PLA2G2C: variants seen among roughly 807,000 people sequenced by gnomAD.
PLA2G2C encodes putative inactive group IIC secretory phospholipase A2.
In PLA2G2C, 15 loss-of-function variants were observed where a neutral mutation model predicts 14.3. The ratio of observed to expected loss-of-function variants is 1.05; its 90% CI spans 0.70 to 1.62. The LOEUF (loss-of-function observed/expected upper bound fraction) is 1.62. Among genes scored for constraint, PLA2G2C ranks in the 40% most tolerant of loss-of-function variants. The probability of loss-of-function intolerance (pLI) is 0.00; values close to 1 mark genes in which losing one functional copy is unlikely to be tolerated. For synonymous variants in PLA2G2C, 79 were observed against 67.7 expected (o/e 1.17, Z -0.82); for missense variants, 162 against 173.2 (o/e 0.94, Z 0.36).
At chr1:20,184,180 C>CGCGT (rs2018322575) in intron 1 of PLA2G2C, 1 of 135,082 alleles carries the variant, frequency 7.4e-6, no homozygotes, top group Non-Finnish European at 1.5e-5. Flanking sequence ...GGCAAAGGCG[C>CGCGT]GCGTGCGTGC....
At chr1:20,180,551 G>A (rs1299600048) in intron 1 of PLA2G2C, among the ~76,000 whole-genome samples, 1 of 152,166 alleles carries the variant, frequency 6.6e-6, no homozygotes, top group Admixed American at 6.5e-5. Flanking sequence ...CTTAAACTCT[G>A]GTCCCTTTCT....
chr1:20,173,743 C>G (rs2018131455), intron 3 of PLA2G2C, among the ~76,000 whole-genome samples: 1 of 152,206 alleles, frequency 6.6e-6, no homozygotes, highest in African/African-American at 2.4e-5. Flanking sequence ...GACAGGAAGG[C>G]AGAAACTTAA....
In PLA2G2C at chr1:20,165,832, C is replaced by T. The variant is rs191491949; in HGVS notation, c.284-1675G>A. Among the ~76,000 whole-genome samples, 305 of 152,096 alleles carry T rather than the reference C, an allele frequency of 2.0e-3. 1 individual carries two copies. The highest frequency in any genetic ancestry group is 6.5e-3 in the African/African-American group (268 of 41,518). On this transcript the variant is annotated intron_variant, in intron 4 of 4. Coordinates refer to ENST00000679259, the MANE Select transcript of PLA2G2C (RefSeq NM_001367969.2). ...GTGCGTGTGTGTGTGTGTGCGCGCG[C>T]GCATGTGTGTTTAGGGCTCTCAGGT... is the stretch of plus-strand genomic sequence containing the variant.
At chr1:20,181,568 CA>C (rs766146393) in intron 1 of PLA2G2C, among the ~76,000 whole-genome samples, 8 of 151,946 alleles carry the variant, frequency 5.3e-5, no homozygotes, top group Non-Finnish European at 1.0e-4. Flanking sequence ...ACCGAGAAGG[CA>C]AAACCCAAAA....
At chr1:20,175,654 T>C (rs574033301) in intron 2 of PLA2G2C, among the ~76,000 whole-genome samples, 1 of 152,338 alleles carries the variant, frequency 6.6e-6, no homozygotes, top group East Asian at 1.9e-4. Context: ...AAGATGCTTA[T>C]GAGAGTGGGC....
intron 4 of PLA2G2C, among the ~76,000 whole-genome samples, chr1:20,171,588 A>T (rs2315355): frequency 0.019 from 2,854 of 151,794 alleles, 96 homozygotes; most frequent in African/African-American, 0.065. Flanking sequence ...ATCTCCCGCC[A>T]TAGGGGATGA....
chr1:20,180,525 A>G (rs1431215179), intron 1 of PLA2G2C, among the ~76,000 whole-genome samples: 1 of 152,220 alleles, frequency 6.6e-6, no homozygotes, highest in Non-Finnish European at 1.5e-5. Context: ...CCACACAGCT[A>G]TGAAGTGGGC....
At chr1:20,173,100 G>A (rs1187788784) in intron 3 of PLA2G2C, among the ~76,000 whole-genome samples, 1 of 151,712 alleles carries the variant, frequency 6.6e-6, no homozygotes, top group African/African-American at 2.4e-5. Context: ...CTTCAGTCCA[G>A]GAGTTTGAGA....
chr1:20,179,521 CTGTGTG>C (rs35039220), intron 1 of PLA2G2C, among the ~76,000 whole-genome samples: 26 of 136,428 alleles, frequency 1.9e-4, no homozygotes, highest in Non-Finnish European at 2.7e-4. Flanking sequence ...ATGTCAGTTT[CTGTGTG>C]TGTGTGTGTG....
At chr1:20,172,989 GAAGGTGAGGAGGTGAATTATCAATA>G in intron 3 of PLA2G2C, 92 bp from the exon 4 acceptor site, 1 of 857,462 alleles carries the variant, frequency 1.2e-6, no homozygotes, top group Non-Finnish European at 1.9e-6. Flanking sequence ...AGAAGGCATT[GAAGGTGAGGAGGTGAATTATCAATA>G]ATATTAAACA....
chr1:20,172,691 T>A, intron 4 of PLA2G2C, 103 bp downstream of exon 4: 1 of 1,021,542 alleles, frequency 9.8e-7, no homozygotes. Flanking sequence ...TCCAAGCACT[T>A]GGAAGCATTT....
chr1:20,167,731 G>A (rs1569924743), intron 4 of PLA2G2C, among the ~76,000 whole-genome samples: 1 of 152,186 alleles, frequency 6.6e-6, no homozygotes, highest in Non-Finnish European at 1.5e-5. Context: ...GAAGGCACGT[G>A]TCTCATCCTG....
rs114273210 is a variant in PLA2G2C at position 20,180,359 on chromosome 1, G to A, written c.-76-2920C>T. 5.6e-3 allele frequency among the ~76,000 whole-genome samples: 855 copies of A among 152,310 alleles called. 8 individuals carry two copies. The highest frequency in any genetic ancestry group is 0.02 in the African/African-American group (821 of 41,552). ...TGGGAAGGTCACAGAAATCTTCCCA[G>A]GAGAGGTGGTATTTGAGAAGGCCTT... On this transcript the variant is annotated intron_variant, in intron 1 of 4. Transcript: ENST00000679259.
chr1:20,182,114 G>C (rs2018286918), intron 1 of PLA2G2C, among the ~76,000 whole-genome samples: 1 of 152,168 alleles, frequency 6.6e-6, no homozygotes, highest in African/African-American at 2.4e-5. Context: ...TGCTTAACAA[G>C]ACTGGAAAGC....
At chr1:20,171,740 T>C (rs2018077687) in intron 4 of PLA2G2C, among the ~76,000 whole-genome samples, 1 of 150,510 alleles carries the variant, frequency 6.6e-6, no homozygotes, top group Non-Finnish European at 1.5e-5. Context: ...AGCCACACAC[T>C]ATAAGAAGCC....
intron 4 of PLA2G2C, among the ~76,000 whole-genome samples, chr1:20,172,254 C>T (rs72663010): frequency 3.3e-5 from 5 of 152,264 alleles, no homozygotes; most frequent in African/African-American, 4.8e-5. Context: ...CTCCGGATGC[C>T]AGGGCCACGC....
chr1:20,168,460 C>G (rs2100713668), intron 4 of PLA2G2C, among the ~76,000 whole-genome samples: 1 of 152,282 alleles, frequency 6.6e-6, no homozygotes, highest in South Asian at 2.1e-4. Context: ...TCTCACGGAC[C>G]TTTCTAGTCG....
chr1:20,180,879 A>G (rs574639601), intron 1 of PLA2G2C, among the ~76,000 whole-genome samples: 192 of 152,268 alleles, frequency 1.3e-3, no homozygotes, highest in African/African-American at 4.2e-3. Context: ...CCTTTCCTGG[A>G]CCCATCAATT....
chr1:20,172,815 T>C lies in PLA2G2C; in HGVS notation c.262A>G (p.Ile88Val), dbSNP rs918854937. The C allele has an allele frequency of 3.1e-6, 5 of 1,613,838 alleles. No homozygotes were observed. The highest frequency in any genetic ancestry group is 4.2e-6 in the Non-Finnish European group (5 of 1,179,776). ...QPVLNSYQFH[I>V]VNGAVVCGCT... ...TCACAAACCACTGCGCCATTGACGA[T>C]GTGGAACTGGTAGCTGTTCAACACA... Residue 88 changes from isoleucine (I) to valine (V), a missense_variant, in exon 4 of 5, where the codon ATC becomes GTC. Transcript: ENST00000679259.
Sources: allele counts gnomAD v4.1 joint callset (sites outside exome capture counted in the v4.1 genomes callset), GRCh38; gene constraint gnomAD v4.1.1; transcripts MANE v1.5; gene names NCBI Gene and HGNC (gene_info 2026-07-23, HGNC 2026-07-21).